Variants in ZER1 observed in about 807,000 individuals in gnomAD.
ZER1 encodes zyg-11 related cell cycle regulator, also known as protein zer-1 homolog.
Under a neutral mutation model 78.8 loss-of-function variants are expected in ZER1, and 11 were observed. That is an observed-to-expected ratio of 0.14 (90% confidence interval 0.09 to 0.23). The LOEUF (loss-of-function observed/expected upper bound fraction) is 0.23, where lower values mean the gene tolerates loss of function less well. ZER1 is among the 10% of genes least tolerant of loss of function. ZER1 has a pLI of 1.00. For synonymous variants in ZER1, 400 were observed against 407.0 expected (o/e 0.98, Z 0.21); for missense variants, 588 against 996.9 (o/e 0.59, Z 5.52).
chr9:128,734,522 C>T (rs1056261225), intron 14 of ZER1, among the ~76,000 whole-genome samples: 16 of 150,668 alleles, frequency 1.1e-4, no homozygotes, highest in African/African-American at 3.9e-4. Context: ...TAAGTAGAGA[C>T]AGGGTTGCGC....
chr9:128,752,531 G>C, intron 5 of ZER1, 142 bp downstream of exon 5: 1 of 892,346 alleles, frequency 1.1e-6, no homozygotes, highest in Non-Finnish European at 1.6e-6. Context: ...ATGTTGGCCA[G>C]GCTGGTCTCT....
chr9:128,757,790 TG>T (rs1863908550), intron 1 of ZER1, among the ~76,000 whole-genome samples: 1 of 152,164 alleles, frequency 6.6e-6, no homozygotes, highest in African/African-American at 2.4e-5. Flanking sequence ...TGGTGTGAAC[TG>T]GGAATACAAT....
intron 8 of ZER1, among the ~76,000 whole-genome samples, chr9:128,748,242 A>G (rs7865928): frequency 0.41 from 61,665 of 151,470 alleles, 12,793 homozygotes; most frequent in East Asian, 0.59. Context: ...CGTCTCCACT[A>G]AAAATACAAA....
At position 128,753,144 on chromosome 9, in the gene ZER1, G is replaced by C; in HGVS notation, c.746+20C>G. 6.6e-7 allele frequency: 1 copy of C among 1,514,898 alleles called. No homozygotes were observed. The highest frequency in any genetic ancestry group is 8.9e-7 in the Non-Finnish European group (1 of 1,128,960). The allele number at this position is 1,514,898 out of a possible 1,614,324, so 93.8% of individuals were successfully genotyped here. A position where few individuals can be genotyped will look rare whatever the true frequency, so the allele number is the denominator to read the frequency against. The stretch of plus-strand genomic sequence containing the variant: ...TGCCCCCCAAACCCCACCCTGGTGA[G>C]CTCTGGGCCAGGAGCTCACCGCAGC... On this transcript the variant is annotated intron_variant, in intron 4 of 15. Transcript: ENST00000291900. This position sits in a 1 kb window ranked among gnomAD's most constrained non-coding sequence, Gnocchi z 7.5.
Position 128,752,752 on chromosome 9 carries a change from T to G in ZER1, c.844A>C (p.Met282Leu). 6.2e-7 allele frequency: 1 copy of G among 1,614,158 alleles called. No homozygotes were observed. Among genetic ancestry groups the G allele is most frequent in the East Asian group, 2.2e-5 (1 of 44,878 alleles). ...ATGTGGCCAGAGATGTCCAGGGACA[T>G]TAGGTTCCCCAGCTTCTGCACAAAG... is the stretch of plus-strand genomic sequence containing the variant. The part of the protein sequence containing the change: ...SLFVQKLGNL[M>L]SLDISGHMIL... Residue 282 changes from methionine to leucine, a missense_variant, in exon 5 of 16, where the codon ATG (methionine) becomes CTG (leucine). Transcript: ENST00000291900.
At chr9:128,763,246 C>T (rs929043648) in intron 1 of ZER1, among the ~76,000 whole-genome samples, 2 of 152,210 alleles carry the variant, frequency 1.3e-5, no homozygotes, top group Admixed American at 6.6e-5. Flanking sequence ...TCTCCTTTCA[C>T]GTAGCTGATA....
At position 128,729,884 on chromosome 9, in the gene ZER1, G is replaced by C. The variant is rs1485418049; in HGVS notation, c.*1453C>G. ...AAGCAATGAGGTGTGAAGTCTGCCA[G>C]GGTCTGGCCGGGGCCGCTGAGCGTG... On this transcript the variant is annotated 3_prime_UTR_variant, in exon 16 of 16. Transcript: ENST00000291900. 1 of 152,554 alleles carries C rather than the reference G, an allele frequency of 6.6e-6. No individual in the cohort carries two copies. Among genetic ancestry groups the C allele is most frequent in the Non-Finnish European group, 1.5e-5 (1 of 68,130 alleles). The allele number at this position is 152,554 out of a possible 1,614,324, so 9.5% of individuals were successfully genotyped here. A position where few individuals can be genotyped will look rare whatever the true frequency, so the allele number is the denominator to read the frequency against.
chr9:128,755,359 C>T lies in ZER1; in HGVS notation c.158+49G>A, dbSNP rs1478926300. On this transcript the variant is annotated intron_variant, in intron 2 of 15. Coordinates refer to ENST00000291900, the MANE Select transcript of ZER1 (RefSeq NM_006336.4). This position sits in a 1 kb window ranked among gnomAD's most constrained non-coding sequence, Gnocchi z 5.6. ...CACACACGGTCCCAATCTCTCTATA[C>T]ACATTCATGGTAAGACCCCTGCCCC... 8.1e-6 allele frequency: 13 copies of T among 1,608,434 alleles called. No homozygotes were observed. Among genetic ancestry groups the T allele is most frequent in the Non-Finnish European group, 1.1e-5 (13 of 1,175,626 alleles).
In ZER1 at chr9:128,754,537, G is replaced by A. The variant is rs552387496; in HGVS notation, c.159-578C>T. On this transcript the variant is annotated intron_variant, in intron 2 of 15. Transcript: ENST00000291900. This position sits in a 1 kb window ranked among gnomAD's most constrained non-coding sequence, Gnocchi z 4.3. ...CCTCAGTTTCTTCATCTGTAAAGTGGATATAACTATGGCCTGCAAAGTGTC... is the reference window on the plus strand; with the variant it reads ...CCTCAGTTTCTTCATCTGTAAAGTGAATATAACTATGGCCTGCAAAGTGTC... Among the ~76,000 whole-genome samples, 2 of 152,104 alleles carry A rather than the reference G, an allele frequency of 1.3e-5. No individual in the cohort carries two copies. Among genetic ancestry groups the A allele is most frequent in the Non-Finnish European group, 2.9e-5 (2 of 68,036 alleles).
At chr9:128,757,433 G>A (rs1190295165) in intron 1 of ZER1, among the ~76,000 whole-genome samples, 1 of 151,632 alleles carries the variant, frequency 6.6e-6, no homozygotes, top group Non-Finnish European at 1.5e-5. Flanking sequence ...GAGGTGGGAG[G>A]ATCACCTGAG....
Position 128,731,121 on chromosome 9 carries a change from C to A in ZER1, c.*216G>T, listed in dbSNP as rs1251834820. 3 of 215,012 alleles carry A rather than the reference C, an allele frequency of 1.4e-5. No individual in the cohort carries two copies. The highest frequency in any genetic ancestry group is 2.6e-5 in the Non-Finnish European group (3 of 113,508). 13.3% of individuals were successfully genotyped at this position (215,012 alleles called of 1,614,324 possible). On this transcript the variant is annotated 3_prime_UTR_variant, in exon 16 of 16. Coordinates refer to ENST00000291900, the MANE Select transcript of ZER1 (RefSeq NM_006336.4). ...TGTTTTTGCACAGAAATCATACACA[C>A]AAAACTTCACACTTCCTAACCAAAA...
At chr9:128,748,127 C>T (rs13297866) in intron 8 of ZER1, among the ~76,000 whole-genome samples, 17,947 of 151,916 alleles carry the variant, frequency 0.12, 1,079 homozygotes, top group Middle Eastern at 0.18. Context: ...GACTGTGGGC[C>T]GGGCATGGTG....
intron 1 of ZER1, among the ~76,000 whole-genome samples, chr9:128,767,942 A>G (rs1001026379): frequency 1.3e-5 from 2 of 152,160 alleles, no homozygotes; most frequent in South Asian, 2.1e-4. Context: ...TCCCCAGCCA[A>G]TGTTTTCCAG....
In ZER1 at chr9:128,732,274, C is replaced by T. The variant is rs1329261113; in HGVS notation, c.2244-880G>A. 1.3e-5 allele frequency among the ~76,000 whole-genome samples: 2 copies of T among 152,192 alleles called. No individual in the cohort carries two copies. The highest frequency in any genetic ancestry group is 1.5e-5 in the Non-Finnish European group (1 of 68,038). ...CTTACCCAGTGCTTCTCAAATTTCCCGGGAATCCTTGTTAACCATGAAAAT... is the reference window on the plus strand; with the variant it reads ...CTTACCCAGTGCTTCTCAAATTTCCTGGGAATCCTTGTTAACCATGAAAAT... On this transcript the variant is annotated intron_variant, in intron 15 of 15. Transcript: ENST00000291900. This position sits in a 1 kb window ranked among gnomAD's most constrained non-coding sequence, Gnocchi z 4.8.
chr9:128,748,718 C>A (rs1863579714), intron 8 of ZER1, among the ~76,000 whole-genome samples: 1 of 151,104 alleles, frequency 6.6e-6, no homozygotes, highest in Non-Finnish European at 1.5e-5. Context: ...ACTACAGGCG[C>A]CTGCCACCAT....
intron 9 of ZER1, 103 bp downstream of exon 9, chr9:128,742,427 G>C: frequency 7.3e-7 from 1 of 1,370,906 alleles, no homozygotes; most frequent in Non-Finnish European, 1.0e-6. Context: ...CTCCCTCTCC[G>C]ACTCCCAGCC....
At position 128,754,437 on chromosome 9, in the gene ZER1, C is replaced by T. The variant is rs988321025; in HGVS notation, c.159-478G>A. On this transcript the variant is annotated intron_variant, in intron 2 of 15. Transcript: ENST00000291900. This position sits in a 1 kb window ranked among gnomAD's most constrained non-coding sequence, Gnocchi z 4.3. ...TGCTGGGAAATGCTTTGGATTCAAA[C>T]GCTTTAGACTCTAAATCTTGGCTTG... 6.6e-6 allele frequency among the ~76,000 whole-genome samples: 1 copy of T among 152,190 alleles called. No homozygotes were observed. The highest frequency in any genetic ancestry group is 6.5e-5 in the Admixed American group (1 of 15,272).
chr9:128,750,634 T>G lies in ZER1; in HGVS notation c.1341A>C (p.Glu447Asp), dbSNP rs1172805777. 1 of 1,614,018 alleles carries G rather than the reference T, an allele frequency of 6.2e-7. No individual in the cohort carries two copies. The highest frequency in any genetic ancestry group is 1.7e-5 in the Admixed American group (1 of 60,008). Residue 447 changes from glutamate to aspartate, a missense_variant, in exon 8 of 16, where the codon GAA becomes GAC. Physicochemically the swap from Glu to Asp is conservative, Grantham distance 45 (BLOSUM62 2). Coordinates refer to ENST00000291900, the MANE Select transcript of ZER1 (RefSeq NM_006336.4). ...QVIQVVLNGMESYQEVTVQRN... is the reference protein window; with the variant it reads ...QVIQVVLNGMDSYQEVTVQRN... ...GGCTCACCGTCACCTCCTGGTAGGA[T>G]TCCATGCCATTCAGCACCACCTGGA...
intron 1 of ZER1, among the ~76,000 whole-genome samples, chr9:128,756,648 T>C (rs1378806029): frequency 5.3e-5 from 8 of 152,110 alleles, no homozygotes; most frequent in Non-Finnish European, 1.2e-4. Context: ...AAAAAAAAAG[T>C]CATATACCGT....
Sources: gnomAD v4.1 joint callset for allele counts (sites outside exome capture counted in the v4.1 genomes callset) on GRCh38, gnomAD v4.1.1 for gene constraint, Gnocchi (gnomAD v3.1) non-coding constraint, MANE v1.5 for transcripts, NCBI Gene and HGNC (gene_info 2026-07-23, HGNC 2026-07-21) for gene names.